Variants in UBE2L3 observed in about 807,000 individuals in gnomAD.
The protein encoded by UBE2L3 is ubiquitin-conjugating enzyme E2 L3.
In UBE2L3, 1 loss-of-function variant was observed where a neutral mutation model predicts 17.8. That is an observed-to-expected ratio of 0.06 (90% CI 0.02 to 0.27). The LOEUF is 0.27. UBE2L3 is among the 10% of genes least tolerant of loss of function. The probability of loss-of-function intolerance (pLI) is 1.00; values close to 1 mark genes in which losing one functional copy is unlikely to be tolerated. For synonymous variants in UBE2L3, 44 were observed against 68.5 expected (o/e 0.64, Z 1.76); for missense variants, 40 against 192.6 (o/e 0.21, Z 4.69).
intron 1 of UBE2L3, among the ~76,000 whole-genome samples, chr22:21,556,401 A>C (rs1926226365): frequency 6.6e-6 from 1 of 152,278 alleles, no homozygotes; most frequent in African/African-American, 2.4e-5. Flanking sequence ...TCTAAAAAAA[A>C]AGTAAAATAA....
rs561610667 is a variant in UBE2L3, at chr22:21,574,370, A to G, written c.27+6599A>G. ...TTCGTCCGTGTGTGAAGGTTAAATG[A>G]GTTAATATATACCAACTGCTTAGAA... On this transcript the variant is annotated intron_variant, in intron 1 of 3. Transcript: ENST00000342192. Among the ~76,000 whole-genome samples, 5 of 152,296 alleles carry G rather than the reference A, an allele frequency of 3.3e-5. No individual in the cohort carries two copies. In the East Asian group the frequency reaches 7.7e-4, roughly 23 times the overall value.
intron 3 of UBE2L3, among the ~76,000 whole-genome samples, chr22:21,612,340 T>G (rs990084600): frequency 4.6e-5 from 7 of 152,144 alleles, no homozygotes; most frequent in African/African-American, 1.7e-4. Context: ...TTCTTTTCTT[T>G]TTTGGAAACG....
chr22:21,563,220 C>T (rs556168567), upstream of UBE2L3, among the ~76,000 whole-genome samples: 17 of 132,860 alleles, frequency 1.3e-4, no homozygotes, highest in African/African-American at 3.0e-4. Flanking sequence ...CCAGCCTGGG[C>T]GACAGGGCAA....
Position 21,623,868 on chromosome 22 carries a change from C to T in UBE2L3, c.*2199C>T, listed in dbSNP as rs1930177569. 6.6e-6 allele frequency: 1 copy of T among 152,456 alleles called. No homozygotes were observed. Among genetic ancestry groups the T allele is most frequent in the South Asian group, 2.1e-4 (1 of 4,832 alleles). The allele number at this position is 152,456 out of a possible 1,614,324, so 9.4% of individuals were successfully genotyped here. A position where few individuals can be genotyped will look rare whatever the true frequency, so the allele number is the denominator to read the frequency against. On this transcript the variant is annotated 3_prime_UTR_variant, in exon 4 of 4. Transcript: ENST00000342192. ...GAGGAGGGGCGAGCTGTGGAGCAGC[C>T]ACCCACTGCTGCCCCAAGCTCACTC...
At chr22:21,566,857 T>C (rs1926657997), upstream of UBE2L3, among the ~76,000 whole-genome samples, 1 of 152,170 alleles carries the variant, frequency 6.6e-6, no homozygotes, top group African/African-American at 2.4e-5. Flanking sequence ...GCATTGGCTT[T>C]GGAGCCAGCA....
At chr22:21,590,904 A>C (rs1232105795) in intron 1 of UBE2L3, among the ~76,000 whole-genome samples, 1 of 152,132 alleles carries the variant, frequency 6.6e-6, no homozygotes, top group African/African-American at 2.4e-5. Flanking sequence ...ATGTTTGAGC[A>C]CCACTGTGAG....
chr22:21,594,187 C>CTGCCGCTGTCCTGTATATAATTTGT, intron 2 of UBE2L3, among the ~76,000 whole-genome samples: 1 of 152,346 alleles, frequency 6.6e-6, no homozygotes, highest in African/African-American at 2.4e-5. Context: ...TGCCCTGTGC[C>CTGCCGCTGTCCTGTATATAATTTGT]TGCCGCTGTC....
intron 1 of UBE2L3, chr22:21,555,111 T>C (rs1293345628): frequency 6.7e-6 from 1 of 149,780 alleles, no homozygotes; most frequent in African/African-American, 2.5e-5. Context: ...TCTTTAGGGC[T>C]CCAGGGTTCC....
At chr22:21,607,976 ACTCTACTTGT>A (rs2148438898) in intron 2 of UBE2L3, among the ~76,000 whole-genome samples, 1 of 152,320 alleles carries the variant, frequency 6.6e-6, no homozygotes, top group East Asian at 1.9e-4. Context: ...CTCTGGTACA[ACTCTACTTGT>A]ATCTTCAGAA....
At chr22:21,570,938 C>G (rs1391407301) in intron 1 of UBE2L3, among the ~76,000 whole-genome samples, 1 of 152,094 alleles carries the variant, frequency 6.6e-6, no homozygotes, top group Admixed American at 6.6e-5. Context: ...GCAAAGATTT[C>G]TTTGTAACAA....
chr22:21,613,746 G>C (rs1329353389), intron 3 of UBE2L3, among the ~76,000 whole-genome samples: 1 of 152,194 alleles, frequency 6.6e-6, no homozygotes, highest in South Asian at 2.1e-4. Context: ...CACTCATGCA[G>C]CTGTATTGAG....
chr22:21,606,406 G>C (rs1929174626), intron 2 of UBE2L3, among the ~76,000 whole-genome samples: 1 of 152,270 alleles, frequency 6.6e-6, no homozygotes, highest in African/African-American at 2.4e-5. Flanking sequence ...TGCAACCTCT[G>C]CCTCCCAGGT....
At chr22:21,618,477 A>G (rs1227494825) in intron 3 of UBE2L3, among the ~76,000 whole-genome samples, 2 of 151,856 alleles carry the variant, frequency 1.3e-5, no homozygotes, top group African/African-American at 4.8e-5. Flanking sequence ...AGGCAGGAGA[A>G]TGGCATGAGC....
At chr22:21,601,667 A>G (rs1462254062) in intron 2 of UBE2L3, among the ~76,000 whole-genome samples, 2 of 151,882 alleles carry the variant, frequency 1.3e-5, no homozygotes, top group African/African-American at 4.8e-5. Flanking sequence ...TTGAGAGCAT[A>G]GAAACCAGCC....
chr22:21,586,132 A>T, intron 1 of UBE2L3, among the ~76,000 whole-genome samples: 1 of 152,014 alleles, frequency 6.6e-6, no homozygotes, highest in Non-Finnish European at 1.5e-5. Context: ...TTGTAGAGAT[A>T]GGGTCTTGCT....
chr22:21,610,808 T>C (rs1041280442), intron 2 of UBE2L3, 49 bp from the exon 3 acceptor site: 3 of 1,491,414 alleles, frequency 2.0e-6, no homozygotes, highest in Non-Finnish European at 2.7e-6. Context: ...GTCTTGGCCA[T>C]AGGTTTATGA....
In UBE2L3 at chr22:21,610,838, G is replaced by A. The variant is rs1601437846; in HGVS notation, c.124-19G>A. 2 of 1,579,608 alleles carry A rather than the reference G, an allele frequency of 1.3e-6. No homozygotes were observed. The highest frequency in any genetic ancestry group is 1.9e-5 in the Admixed American group (1 of 52,738). The stretch of plus-strand genomic sequence containing the variant: ...TTATGAACCATGGTGTGTTCATTTT[G>A]ATCTCTCTTTCCTTCCAGGACAACC... On this transcript the variant is annotated intron_variant, in intron 2 of 3. Coordinates refer to ENST00000342192, the MANE Select transcript of UBE2L3 (RefSeq NM_003347.4).
intron 3 of UBE2L3, among the ~76,000 whole-genome samples, chr22:21,620,233 C>T (rs1461287304): frequency 1.3e-5 from 2 of 151,880 alleles, no homozygotes; most frequent in African/African-American, 4.8e-5. Flanking sequence ...CTGCAGTGAG[C>T]TGTGATTGCA....
intron 3 of UBE2L3, among the ~76,000 whole-genome samples, chr22:21,612,159 AC>A (rs1238003471): frequency 6.6e-6 from 1 of 152,176 alleles, no homozygotes; most frequent in Non-Finnish European, 1.5e-5. Context: ...GGAAGTAATC[AC>A]CATGAAAGGT....
Sources: gnomAD v4.1 joint callset for allele counts (sites outside exome capture counted in the v4.1 genomes callset) on GRCh38, gnomAD v4.1.1 for gene constraint, MANE v1.5 for transcripts, NCBI Gene and HGNC (gene_info 2026-07-23, HGNC 2026-07-21) for gene names.